The following IL23R variants were observed in gnomAD, a reference collection of about 807,000 sequenced individuals.
IL23R encodes interleukin-23 receptor.
A neutral mutation model predicts 56.9 loss-of-function variants in IL23R; 34 were observed. The ratio of observed to expected loss-of-function variants is 0.60; its 90% CI spans 0.45 to 0.80. IL23R has a LOEUF of 0.80. Among genes scored for constraint, IL23R ranks in the 30% least tolerant of loss-of-function variants. The pLI is 0.00. For missense variants in IL23R, 635 were observed against 730.0 expected (o/e 0.87, Z 1.50); for synonymous variants, 230 against 249.2 (o/e 0.92, Z 0.73).
chr1:67,149,656 C>T (rs578142452), intron 1 of IL23R, among the ~76,000 whole-genome samples: 1 of 152,274 alleles, frequency 6.6e-6, no homozygotes, highest in African/African-American at 2.4e-5. Context: ...TTTGTCTGAA[C>T]ATGTCCATAT....
At chr1:67,175,314 T>TA (rs541920630) in intron 3 of IL23R, among the ~76,000 whole-genome samples, 43 of 152,218 alleles carry the variant, frequency 2.8e-4, no homozygotes, top group African/African-American at 9.6e-4. Flanking sequence ...TACCAAACTT[T>TA]AAAAAAACCT....
chr1:67,206,882 G>GTTTTT, intron 5 of IL23R, 28 bp from the exon 6 acceptor site: 2 of 1,286,450 alleles, frequency 1.6e-6, no homozygotes, highest in South Asian at 1.4e-5. Flanking sequence ...AAACAGCCAG[G>GTTTTT]TCTTTTTTTT....
At chr1:67,138,993 T>C (rs557497783) in exon 1 of IL23R, 15 of 152,266 alleles carry the variant, frequency 9.9e-5, no homozygotes, top group Non-Finnish European at 2.1e-4. Context: ...GTCTGCCTGT[T>C]ATGACAATTT....
chr1:67,226,468 C>G (rs898536863), intron 7 of IL23R, among the ~76,000 whole-genome samples: 3 of 152,170 alleles, frequency 2.0e-5, no homozygotes, highest in South Asian at 4.1e-4. Context: ...CCTCTCTGAT[C>G]GTCCCCAGGG....
At chr1:67,184,568 TAAATAAAATAAAATA>T (rs10555527) in intron 4 of IL23R, among the ~76,000 whole-genome samples, 3,751 of 142,990 alleles carry the variant, frequency 0.026, 142 homozygotes, top group African/African-American at 0.068. Flanking sequence ...TAAAATAAAA[TAAATAAAATAAAATA>T]AAATAAAATA....
intron 4 of IL23R, among the ~76,000 whole-genome samples, chr1:67,191,517 G>A (rs1360597962): frequency 6.6e-6 from 1 of 151,986 alleles, no homozygotes; most frequent in Non-Finnish European, 1.5e-5. Flanking sequence ...CATTCCCATT[G>A]GCTTTTAAGC....
chr1:67,245,722 T>G (rs1212367252), intron 9 of IL23R, among the ~76,000 whole-genome samples: 2 of 152,240 alleles, frequency 1.3e-5, no homozygotes, highest in Non-Finnish European at 2.9e-5. Context: ...AGTATTTTAT[T>G]GAGGATTTTC....
At chr1:67,181,305 C>T (rs1014658819) in intron 3 of IL23R, among the ~76,000 whole-genome samples, 36 of 152,284 alleles carry the variant, frequency 2.4e-4, no homozygotes, top group African/African-American at 7.7e-4. Flanking sequence ...CACATAGTCC[C>T]GTATTTCTTG....
At chr1:67,160,909 A>G (rs980185255) in intron 1 of IL23R, among the ~76,000 whole-genome samples, 3 of 152,192 alleles carry the variant, frequency 2.0e-5, no homozygotes, top group Non-Finnish European at 2.9e-5. Flanking sequence ...ATTATGAAAG[A>G]CTTCATAAGA....
At chr1:67,211,830 A>G (rs1013626804) in intron 6 of IL23R, among the ~76,000 whole-genome samples, 1 of 152,320 alleles carries the variant, frequency 6.6e-6, no homozygotes. Flanking sequence ...TAACAGGTAC[A>G]TTTGAGCTCA....
At chr1:67,150,506 G>A (rs1229980933) in intron 1 of IL23R, among the ~76,000 whole-genome samples, 1 of 151,934 alleles carries the variant, frequency 6.6e-6, no homozygotes, top group Admixed American at 6.6e-5. Context: ...CCACTTATGA[G>A]TGAGAACATG....
At chr1:67,150,927 T>G (rs1646723232) in intron 1 of IL23R, among the ~76,000 whole-genome samples, 1 of 152,222 alleles carries the variant, frequency 6.6e-6, no homozygotes, top group Non-Finnish European at 1.5e-5. Context: ...TATGTGCACG[T>G]ATCTTTGTAG....
chr1:67,252,667 C>A (rs1179292511), intron 9 of IL23R, among the ~76,000 whole-genome samples: 1 of 151,962 alleles, frequency 6.6e-6, no homozygotes, highest in Admixed American at 6.6e-5. Context: ...GCTTCTGACA[C>A]CATCTAGTAA....
intron 1 of IL23R, among the ~76,000 whole-genome samples, chr1:67,158,595 G>A (rs1040089201): frequency 2.6e-5 from 4 of 152,138 alleles, no homozygotes; most frequent in African/African-American, 7.2e-5. Context: ...CATGGTAATG[G>A]TAAACTGACA....
chr1:67,259,080 A>G lies in IL23R; in HGVS notation c.1842A>G (p.Gln614=), dbSNP rs778023003. The change falls in exon 11 of 11, where the codon CAA becomes CAG. Residue 614 remains glutamine (Q), a synonymous_variant. Transcript: ENST00000347310. The part of the protein sequence containing the change: ...ELPSINTYFP[Q]NILESHFNRI... ...CATCTATTAATACTTATTTTCCACAAAATATTTTGGAAAGCCACTTCAATA... is the reference window on the plus strand; with the variant it reads ...CATCTATTAATACTTATTTTCCACAGAATATTTTGGAAAGCCACTTCAATA... The G allele has an allele frequency of 9.3e-6, 15 of 1,613,900 alleles. No homozygotes were observed. The South Asian group carries it at 1.3e-4, about 14-fold the overall frequency.
rs368389094 is a variant in IL23R, at chr1:67,207,008, G to C, written c.751G>C (p.Val251Leu). 50 of 1,612,176 alleles carry C rather than the reference G, an allele frequency of 3.1e-5. 1 individual carries two copies. Among genetic ancestry groups the C allele is most frequent in the African/African-American group, 2.5e-4 (19 of 74,630 alleles). Residue 251 changes from valine (V) to leucine (L), a missense_variant, in exon 6 of 11, where the codon GTT becomes CTT. Val to Leu is a conservative substitution (Grantham distance 32). Coordinates refer to ENST00000347310, the MANE Select transcript of IL23R (RefSeq NM_144701.3). ...GGATAGTCAAACAACAATTGAAAAG[G>C]TTTCCTGTGAAATGAGATACAAGGC... ...YWDSQTTIEK[V>L]SCEMRYKATT... is the part of the protein sequence containing the mutation.
rs141627140 is a variant in IL23R, at chr1:67,204,041, T to G, written c.653-2869T>G. 3.9e-5 allele frequency among the ~76,000 whole-genome samples: 6 copies of G among 152,356 alleles called. No individual in the cohort carries two copies. In the East Asian group the frequency reaches 1.2e-3, roughly 29 times the overall value. ...TCAATACGAGTAGAATTTAAAAATA[T>G]GACATCTATAATAAAATTGATACTT... On this transcript the variant is annotated intron_variant, in intron 5 of 10. Transcript: ENST00000347310.
chr1:67,261,069 C>T (rs923784370), downstream of IL23R, among the ~76,000 whole-genome samples: 6 of 146,152 alleles, frequency 4.1e-5, no homozygotes, highest in African/African-American at 1.5e-4. Flanking sequence ...AATGAGCAGG[C>T]TATTTTGTTT....
Position 67,259,956 on chromosome 1 carries a change from CTCTG to C in IL23R, c.*833_*836del. On this transcript the variant is annotated 3_prime_UTR_variant, in exon 11 of 11. Transcript: ENST00000347310. ...TCCAGCCTGGGCAACAAGAGCAAAA[CTCTG>C]TCTGGAAAAAAAAAAAAAAAAAAAA... The C allele has an allele frequency of 1.0e-5, 1 of 100,072 alleles. No individual in the cohort carries two copies. Among genetic ancestry groups the C allele is most frequent in the Admixed American group, 1.2e-4 (1 of 8,176 alleles). The allele number at this position is 100,072 out of a possible 1,614,324, so 6.2% of individuals were successfully genotyped here. A position where few individuals can be genotyped will look rare whatever the true frequency, so the allele number is the denominator to read the frequency against.
Sources: allele counts gnomAD v4.1 joint callset (sites outside exome capture counted in the v4.1 genomes callset), GRCh38; gene constraint gnomAD v4.1.1; transcripts MANE v1.5; gene names NCBI Gene and HGNC (gene_info 2026-07-23, HGNC 2026-07-21).